MYH13: variants seen among roughly 807,000 people sequenced by gnomAD.
MYH13 encodes myosin heavy chain 13.
MYH13 carries 177 observed loss-of-function variants against 232.1 expected under a neutral mutation model. The observed-to-expected ratio is 0.76, with a 90% CI of 0.67 to 0.86. The LOEUF (loss-of-function observed/expected upper bound fraction) is 0.86, where lower values mean the gene tolerates loss of function less well. Ranked by LOEUF, MYH13 falls within the 40% of genes least tolerant of loss-of-function variation. MYH13 has a pLI of 0.00. For missense variants in MYH13, 2,246 were observed against 2,405.9 expected (o/e 0.93, Z 1.39); for synonymous variants, 884 against 923.5 (o/e 0.96, Z 0.78).
At chr17:10,339,750 T>C (rs1224610372) in intron 18 of MYH13, among the ~76,000 whole-genome samples, 1 of 152,240 alleles carries the variant, frequency 6.6e-6, no homozygotes, top group African/African-American at 2.4e-5. Flanking sequence ...AGAGGAAGTA[T>C]ATTCCAAATA....
chr17:10,300,898 T>A lies in MYH13; in HGVS notation c.*53A>T. 1 of 1,581,336 alleles carries A rather than the reference T, an allele frequency of 6.3e-7. No individual in the cohort carries two copies. Among genetic ancestry groups the A allele is most frequent in the Non-Finnish European group, 8.6e-7 (1 of 1,156,072 alleles). The stretch of plus-strand genomic sequence containing the variant: ...TTTAGGAGAATTTATTTCTCACACA[T>A]TTTCCCTCCACTCTCTCGGAGGTGT... On this transcript the variant is annotated 3_prime_UTR_variant, in exon 41 of 41. Coordinates refer to ENST00000252172, the MANE Select transcript of MYH13 (RefSeq NM_003802.3).
intron 22 of MYH13, among the ~76,000 whole-genome samples, chr17:10,326,037 G>T (rs1907187535): frequency 6.6e-6 from 1 of 152,228 alleles, no homozygotes; most frequent in Admixed American, 6.5e-5. Flanking sequence ...TGGCAAGCCT[G>T]CATGCTAATG....
At chr17:10,327,805 T>G in intron 22 of MYH13, 61 bp downstream of exon 22, 1 of 1,577,620 alleles carries the variant, frequency 6.3e-7, no homozygotes, top group Non-Finnish European at 8.6e-7. Context: ...CCCTCAATGT[T>G]CCTCCCCCTT....
At chr17:10,338,689 G>GTT (rs757791680) in intron 18 of MYH13, among the ~76,000 whole-genome samples, 10,546 of 108,592 alleles carry the variant, frequency 0.097, 550 homozygotes, top group East Asian at 0.18. Flanking sequence ...TTTTATCCTT[G>GTT]TTTTTTTTTT....
At chr17:10,322,731 T>G (rs1263969650) in intron 23 of MYH13, among the ~76,000 whole-genome samples, 1 of 149,252 alleles carries the variant, frequency 6.7e-6, no homozygotes, top group Non-Finnish European at 1.5e-5. Context: ...CCTCCCGGGT[T>G]CACGCCATTC....
At chr17:10,332,897 C>T (rs1907458107) in intron 19 of MYH13, among the ~76,000 whole-genome samples, 177 bp downstream of exon 19, 1 of 152,204 alleles carries the variant, frequency 6.6e-6, no homozygotes, top group Non-Finnish European at 1.5e-5. Context: ...AATTTGGAAC[C>T]ACTTGGGCTG....
intron 8 of MYH13, among the ~76,000 whole-genome samples, chr17:10,356,265 C>T (rs1172667671): frequency 6.6e-6 from 1 of 152,172 alleles, no homozygotes; most frequent in Non-Finnish European, 1.5e-5. Flanking sequence ...ACTGTAAGTG[C>T]TGTGTCTTCA....
At chr17:10,303,350 T>C in intron 38 of MYH13, 44 bp downstream of exon 38, 1 of 1,611,554 alleles carries the variant, frequency 6.2e-7, no homozygotes, top group Non-Finnish European at 8.5e-7. Flanking sequence ...CTGATGGGGC[T>C]TGGTCCATAC....
chr17:10,306,471 T>C lies in MYH13; in HGVS notation c.5454A>G (p.Lys1818=). 1 of 1,614,104 alleles carries C rather than the reference T, an allele frequency of 6.2e-7. No homozygotes were observed. The highest frequency in any genetic ancestry group is 8.5e-7 in the Non-Finnish European group (1 of 1,180,004). The change falls in exon 37 of 41, where the codon AAA becomes AAG. Residue 1818 remains lysine (K), a synonymous_variant. Coordinates refer to ENST00000252172, the MANE Select transcript of MYH13 (RefSeq NM_003802.3). This position sits in a 1 kb window ranked among gnomAD's most constrained non-coding sequence, Gnocchi z 4.3. ...ALKGGKKQIQ[K]LENRVRELEN... ...TCAAAAACTCTACCCGGTTCTCCAG[T>C]TTCTGGATCTGCTTCTTCCCGCCCT...
chr17:10,332,035 T>C (rs527399858), intron 20 of MYH13, 64 bp downstream of exon 20: 5 of 1,585,380 alleles, frequency 3.2e-6, no homozygotes, highest in Non-Finnish European at 4.3e-6. Flanking sequence ...CTTTTTCTGA[T>C]CAGCTAAGAA....
chr17:10,313,025 G>T (rs1026317087), intron 30 of MYH13, 133 bp downstream of exon 30: 7 of 1,387,012 alleles, frequency 5.0e-6, no homozygotes, highest in African/African-American at 4.3e-5. Flanking sequence ...CCCAGAGGGT[G>T]GGGGGTACAA....
chr17:10,331,794 A>T (rs867356509), intron 20 of MYH13, among the ~76,000 whole-genome samples: 1 of 152,064 alleles, frequency 6.6e-6, no homozygotes, highest in Non-Finnish European at 1.5e-5. Context: ...GTGTCCCTGG[A>T]GTCCTCTCTA....
chr17:10,307,005 T>C lies in MYH13; in HGVS notation c.5229A>G (p.Ala1743=). ...ACTCCTGGATCGAGTTCTCCACCTC[T>C]GCCTGGCACTGAGCTATGTCAGCCT... is the stretch of plus-strand genomic sequence containing the variant. ...KLEADIAQCQ[A]EVENSIQESR... is the part of the protein sequence containing the mutation. The change falls in exon 36 of 41, where the codon GCA becomes GCG. Residue 1743 remains alanine (A), a synonymous_variant. Transcript: ENST00000252172. 3 of 1,614,076 alleles carry C rather than the reference T, an allele frequency of 1.9e-6. No homozygotes were observed. In the South Asian group the frequency reaches 3.3e-5, roughly 18 times the overall value.
At chr17:10,314,415 C>CAAAAAAAAA (rs535595768) in intron 29 of MYH13, among the ~76,000 whole-genome samples, 83 of 89,898 alleles carry the variant, frequency 9.2e-4, no homozygotes, top group Middle Eastern at 6.3e-3. Context: ...AACTCCATCT[C>CAAAAAAAAA]AAAAAAAAAA....
intron 23 of MYH13, among the ~76,000 whole-genome samples, chr17:10,322,076 G>A (rs1183026424): frequency 6.6e-6 from 1 of 152,200 alleles, no homozygotes; most frequent in African/African-American, 2.4e-5. Context: ...GCAGGAAGGG[G>A]AGGAGAGGCG....
chr17:10,371,245 G>T lies in MYH13; in HGVS notation c.-49C>A, dbSNP rs919604308. ...CCAAGTGACAGTCAGTGTCCTTCAGGAATAAAGCGTCTTCCTGGGGATAAT... is the reference window on the plus strand; with the variant it reads ...CCAAGTGACAGTCAGTGTCCTTCAGTAATAAAGCGTCTTCCTGGGGATAAT... On this transcript the variant is annotated 5_prime_UTR_variant, in exon 2 of 41. Transcript: ENST00000252172. 2 of 151,226 alleles carry T rather than the reference G, an allele frequency of 1.3e-5. No individual in the cohort carries two copies. Among genetic ancestry groups the T allele is most frequent in the Admixed American group, 1.3e-4 (2 of 15,156 alleles). 9.4% of individuals were successfully genotyped at this position (151,226 alleles called of 1,614,324 possible).
intron 35 of MYH13, 88 bp from the exon 36 acceptor site, chr17:10,307,152 T>A: frequency 6.6e-7 from 1 of 1,511,144 alleles, no homozygotes; most frequent in Non-Finnish European, 8.9e-7. Context: ...GGGAAGTAAA[T>A]TGTGATCCTG....
Position 10,362,190 on chromosome 17 carries a change from C to T in MYH13, c.433G>A (p.Gly145Ser). 6.2e-7 allele frequency: 1 copy of T among 1,613,920 alleles called. No individual in the cohort carries two copies. The highest frequency in any genetic ancestry group is 1.7e-4 in the Middle Eastern group (1 of 6,026). The change falls in exon 5 of 41, where the codon GGC becomes AGC. Residue 145 changes from glycine to serine, a missense_variant. Transcript: ENST00000252172. ...YKPEVVAAYR[G>S]KKRQEAPPHI... The stretch of plus-strand genomic sequence containing the variant: ...GGCGGGGCCTCCTGGCGCTTTTTGC[C>T]TCTGTAGGCAGCCACCACCTCGGGC...
chr17:10,324,194 G>C lies in MYH13; in HGVS notation c.2762C>G (p.Ala921Gly). 6.2e-7 allele frequency: 1 copy of C among 1,613,752 alleles called. No homozygotes were observed. The change falls in exon 23 of 41, where the codon GCA becomes GGA. Residue 921 changes from alanine (A) to glycine (G), a missense_variant. Ala to Gly is a moderately conservative substitution (Grantham distance 60). Transcript: ENST00000252172. Reference sequence around the variant, plus strand: ...TCTCTCCGTCAGCTCCTTGACTTTTGCTTCCAGTAGGATCTTGCTTTTGAT... The same window carrying C: ...TCTCTCCGTCAGCTCCTTGACTTTTCCTTCCAGTAGGATCTTGCTTTTGAT... ...GLIKSKILLE[A>G]KVKELTERLE...
Sources: gnomAD v4.1 joint callset for allele counts (sites outside exome capture counted in the v4.1 genomes callset) on GRCh38, gnomAD v4.1.1 for gene constraint, Gnocchi (gnomAD v3.1) non-coding constraint, MANE v1.5 for transcripts, NCBI Gene and HGNC (gene_info 2026-07-23, HGNC 2026-07-21) for gene names.